Variants in AGBL4 observed in about 807,000 individuals in gnomAD.
The protein encoded by AGBL4 is cytosolic carboxypeptidase 6.
In AGBL4, 58 loss-of-function variants were observed where a neutral mutation model predicts 66.4. The ratio of observed to expected loss-of-function variants is 0.87; its 90% CI spans 0.71 to 1.09. The LOEUF (loss-of-function observed/expected upper bound fraction) is 1.09. AGBL4 is among the 50% of genes least tolerant of loss of function. The pLI is 0.00. For synonymous variants in AGBL4, 234 were observed against 222.9 expected (o/e 1.05, Z -0.44); for missense variants, 579 against 631.0 (o/e 0.92, Z 0.88).
intron 2 of AGBL4, among the ~76,000 whole-genome samples, chr1:49,702,446 G>C (rs981465736): frequency 6.6e-6 from 1 of 152,004 alleles, no homozygotes; most frequent in Admixed American, 6.6e-5. Flanking sequence ...AGCCAAGATC[G>C]TGCCACTGCA....
intron 4 of AGBL4, among the ~76,000 whole-genome samples, chr1:49,149,774 C>G (rs957676949): frequency 6.6e-6 from 1 of 152,102 alleles, no homozygotes; most frequent in African/African-American, 2.4e-5. Flanking sequence ...GGCAAGAAGA[C>G]CTATATTGTT....
At chr1:49,005,979 C>A (rs555044534) in intron 5 of AGBL4, among the ~76,000 whole-genome samples, 2 of 151,560 alleles carry the variant, frequency 1.3e-5, no homozygotes, top group African/African-American at 4.8e-5. Flanking sequence ...CCAGCCTAGG[C>A]GACAGAGTGA....
intron 5 of AGBL4, among the ~76,000 whole-genome samples, chr1:48,873,294 G>A (rs1648871247): frequency 6.6e-6 from 1 of 152,130 alleles, no homozygotes; most frequent in Non-Finnish European, 1.5e-5. Context: ...CTTTGCACAT[G>A]TTGTTCCCTC....
intron 2 of AGBL4, among the ~76,000 whole-genome samples, chr1:49,743,141 G>A (rs1650676364): frequency 6.6e-6 from 1 of 152,100 alleles, no homozygotes; most frequent in Non-Finnish European, 1.5e-5. Flanking sequence ...GAAGATTTTT[G>A]CAATCTACTC....
chr1:48,959,171 T>C (rs1203088794), intron 5 of AGBL4, among the ~76,000 whole-genome samples: 1 of 152,224 alleles, frequency 6.6e-6, no homozygotes, highest in Admixed American at 6.5e-5. Context: ...ACTATTTTCC[T>C]ATATAATCTT....
intron 3 of AGBL4, among the ~76,000 whole-genome samples, chr1:49,669,044 A>C (rs1055855598): frequency 6.6e-6 from 1 of 152,160 alleles, no homozygotes; most frequent in African/African-American, 2.4e-5. Context: ...GTCCTCAAGA[A>C]GCTCTCAGGC....
chr1:49,734,358 T>G (rs1649695866), intron 2 of AGBL4, among the ~76,000 whole-genome samples: 1 of 151,762 alleles, frequency 6.6e-6, no homozygotes, highest in Non-Finnish European at 1.5e-5. Context: ...AAAGTAAAAA[T>G]GTTCCTATTC....
At chr1:49,219,388 T>C (rs977962928) in intron 4 of AGBL4, among the ~76,000 whole-genome samples, 2 of 152,192 alleles carry the variant, frequency 1.3e-5, no homozygotes, top group African/African-American at 4.8e-5. Context: ...TATAATACAA[T>C]ACAATTATCA....
chr1:49,912,586 A>T (rs920482516), intron 1 of AGBL4, among the ~76,000 whole-genome samples: 1 of 152,202 alleles, frequency 6.6e-6, no homozygotes, highest in African/African-American at 2.4e-5. Flanking sequence ...TTCTTGTCTC[A>T]CAGGAACTAC....
intron 3 of AGBL4, among the ~76,000 whole-genome samples, chr1:49,260,523 C>T (rs1032372914): frequency 6.6e-6 from 1 of 152,110 alleles, no homozygotes; most frequent in Admixed American, 6.6e-5. Flanking sequence ...GAGAATACTA[C>T]AAACACCTCT....
chr1:49,974,770 G>A (rs1045187071), intron 1 of AGBL4, among the ~76,000 whole-genome samples: 6 of 152,128 alleles, frequency 3.9e-5, no homozygotes, highest in Non-Finnish European at 8.8e-5. Context: ...TCAGAAAGAA[G>A]TTCACACTTA....
intron 4 of AGBL4, among the ~76,000 whole-genome samples, chr1:49,210,974 C>T (rs545157422): frequency 6.6e-6 from 1 of 152,108 alleles, no homozygotes; most frequent in South Asian, 2.1e-4. Flanking sequence ...CTTTTCCTTC[C>T]TGATGTTGCC....
chr1:49,104,834 G>A (rs1557644085), intron 4 of AGBL4, among the ~76,000 whole-genome samples: 1 of 152,078 alleles, frequency 6.6e-6, no homozygotes, highest in Non-Finnish European at 1.5e-5. Flanking sequence ...CTCTAAATAT[G>A]GCTGAGATTA....
intron 5 of AGBL4, among the ~76,000 whole-genome samples, chr1:49,033,702 T>G (rs1664411032): frequency 6.6e-6 from 1 of 152,118 alleles, no homozygotes; most frequent in South Asian, 2.1e-4. Context: ...TCCAGATATC[T>G]TTACATTTGC....
At chr1:49,992,834 A>G (rs1349540447) in intron 1 of AGBL4, among the ~76,000 whole-genome samples, 3 of 152,104 alleles carry the variant, frequency 2.0e-5, no homozygotes, top group South Asian at 2.1e-4. Context: ...ACTCTCCCCA[A>G]TGCTCCTATA....
chr1:48,743,282 AACAC>A (rs1381311029), intron 6 of AGBL4, among the ~76,000 whole-genome samples: 1 of 152,152 alleles, frequency 6.6e-6, no homozygotes, highest in Non-Finnish European at 1.5e-5. Flanking sequence ...AAGAAATTAA[AACAC>A]AATACACATT....
At chr1:49,613,688 T>C (rs535762647) in intron 3 of AGBL4, among the ~76,000 whole-genome samples, 1 of 152,294 alleles carries the variant, frequency 6.6e-6, no homozygotes, top group Non-Finnish European at 1.5e-5. Flanking sequence ...GATGGGACCA[T>C]ATAGTTGCAA....
At chr1:49,164,983 C>T (rs1646607437) in intron 4 of AGBL4, among the ~76,000 whole-genome samples, 1 of 152,126 alleles carries the variant, frequency 6.6e-6, no homozygotes, top group Admixed American at 6.6e-5. Flanking sequence ...TATGGAAAGG[C>T]TCCTGCCTTT....
rs1266033761 is a variant in AGBL4 at position 49,819,047 on chromosome 1, T to C, written c.157+32349A>G. Among the ~76,000 whole-genome samples, 3 of 152,176 alleles carry C rather than the reference T, an allele frequency of 2.0e-5. No individual in the cohort carries two copies. In the East Asian group the frequency reaches 5.8e-4, roughly 29 times the overall value. ...TTCCTCATCTGAAATATTAGAAAAA[T>C]AGTGCCTATTTCATGGGATTCTTAG... On this transcript the variant is annotated intron_variant, in intron 2 of 13. Coordinates refer to ENST00000371839, the MANE Select transcript of AGBL4 (RefSeq NM_032785.4).
Sources: allele counts gnomAD v4.1 joint callset (sites outside exome capture counted in the v4.1 genomes callset), GRCh38; gene constraint gnomAD v4.1.1; transcripts MANE v1.5; gene names NCBI Gene and HGNC (gene_info 2026-07-23, HGNC 2026-07-21).